CTNNA2: variants seen among roughly 807,000 people sequenced by gnomAD.
CTNNA2 encodes the protein catenin alpha-2.
Under a neutral mutation model 101.0 loss-of-function variants are expected in CTNNA2, and 42 were observed. The observed-to-expected ratio is 0.42, with a 90% CI of 0.32 to 0.54. CTNNA2 has a LOEUF of 0.54. Among genes scored for constraint, CTNNA2 ranks in the 20% least tolerant of loss-of-function variants. The pLI is 0.14. For synonymous variants in CTNNA2, 450 were observed against 456.4 expected (o/e 0.99, Z 0.18); for missense variants, 871 against 1,223.1 (o/e 0.71, Z 4.29).
chr2:79,454,256 C>A lies in CTNNA2; in HGVS notation c.-134-50798C>A, dbSNP rs563528606. ...TATATTTTACCCTGTGAGTAATTTACCATATTATATTGTTATAAAACAAAC... is the reference window on the plus strand; with the variant it reads ...TATATTTTACCCTGTGAGTAATTTAACATATTATATTGTTATAAAACAAAC... On this transcript the variant is annotated intron_variant, in intron 4 of 21. Coordinates refer to the CTNNA2 transcript ENST00000466387. Among the ~76,000 whole-genome samples the A allele has an allele frequency of 1.2e-3, 188 of 152,040 alleles. 1 individual carries two copies. Among genetic ancestry groups the A allele is most frequent in the African/African-American group, 4.4e-3 (182 of 41,472 alleles).
chr2:80,416,699 T>C (rs1680076230), intron 8 of CTNNA2, among the ~76,000 whole-genome samples: 3 of 152,064 alleles, frequency 2.0e-5, no homozygotes, highest in Admixed American at 2.0e-4. Context: ...ACATTTATAC[T>C]ATATTCTATC....
At chr2:80,460,801 G>T (rs1684361462) in intron 9 of CTNNA2, among the ~76,000 whole-genome samples, 1 of 152,002 alleles carries the variant, frequency 6.6e-6, no homozygotes, top group African/African-American at 2.4e-5. Flanking sequence ...CTAACTCAAT[G>T]GTTCTCAAAC....
intron 17 of CTNNA2, 51 bp from the exon 18 acceptor site, chr2:80,619,034 T>TC (rs1699084930): frequency 1.6e-6 from 2 of 1,255,140 alleles, no homozygotes; most frequent in Non-Finnish European, 2.1e-6. Flanking sequence ...TTTTTTTTTT[T>TC]TCTTTTGCTC....
At chr2:79,786,963 T>G (rs1674892493) in intron 3 of CTNNA2, among the ~76,000 whole-genome samples, 1 of 152,230 alleles carries the variant, frequency 6.6e-6, no homozygotes, top group Middle Eastern at 3.4e-3. Flanking sequence ...ATCCAATCCC[T>G]GCCTTGGCAT....
rs575725674 is a variant in CTNNA2, at chr2:80,495,447, A to G, written c.1291-49535A>G. On this transcript the variant is annotated intron_variant, in intron 9 of 18. Coordinates refer to ENST00000402739, the MANE Select transcript of CTNNA2 (RefSeq NM_001282597.3). ...TGTAGAAGATAAGATTATGTGGGCT[A>G]TTTTAGGTTGAATCTTTACCTCCCC... Among the ~76,000 whole-genome samples, 4 of 152,308 alleles carry G rather than the reference A, an allele frequency of 2.6e-5. No individual in the cohort carries two copies. The East Asian group carries it at 7.7e-4, about 29-fold the overall frequency.
intron 7 of CTNNA2, among the ~76,000 whole-genome samples, chr2:79,989,452 C>A (rs1008782682): frequency 6.6e-6 from 1 of 151,756 alleles, no homozygotes; most frequent in Admixed American, 6.6e-5. Context: ...GTGAAAATCC[C>A]GTCTATACAA....
At chr2:80,217,054 TCTC>T (rs1435488178) in intron 7 of CTNNA2, among the ~76,000 whole-genome samples, 1 of 151,888 alleles carries the variant, frequency 6.6e-6, no homozygotes, top group East Asian at 1.9e-4. Context: ...CTGGTCTTGA[TCTC>T]CTGACCTCAA....
intron 6 of CTNNA2, among the ~76,000 whole-genome samples, chr2:79,906,444 C>T (rs141583503): frequency 1.3e-5 from 2 of 152,310 alleles, no homozygotes; most frequent in Non-Finnish European, 2.9e-5. Flanking sequence ...TGCTGCTTTT[C>T]ACATCCATCA....
At chr2:80,515,660 TA>T (rs755214873) in intron 9 of CTNNA2, among the ~76,000 whole-genome samples, 29 of 152,252 alleles carry the variant, frequency 1.9e-4, no homozygotes, top group Non-Finnish European at 4.3e-4. Context: ...ACATATTCTT[TA>T]AATTTGAAAT....
At position 80,349,464 on chromosome 2, in the gene CTNNA2, G is replaced by A. The variant is rs188624107; in HGVS notation, c.1057-43747G>A. Among the ~76,000 whole-genome samples the A allele has an allele frequency of 3.4e-3, 517 of 152,222 alleles. 4 individuals are homozygous for A. Among genetic ancestry groups the A allele is most frequent in the Non-Finnish European group, 2.8e-3 (193 of 68,008 alleles). ...GAAAGCCAAAAAGGAGATCCTGGTAGGGGAGTTCTGGCCCCAGGTTCTGAT... is the reference window on the plus strand; with the variant it reads ...GAAAGCCAAAAAGGAGATCCTGGTAAGGGAGTTCTGGCCCCAGGTTCTGAT... On this transcript the variant is annotated intron_variant, in intron 7 of 18. Transcript: ENST00000402739.
intron 3 of CTNNA2, among the ~76,000 whole-genome samples, chr2:79,854,623 C>T (rs1000813358): frequency 6.6e-6 from 1 of 152,134 alleles, no homozygotes; most frequent in Non-Finnish European, 1.5e-5. Flanking sequence ...AGAAGCACTA[C>T]ATACATGTTA....
intron 2 of CTNNA2, among the ~76,000 whole-genome samples, chr2:79,272,507 G>A (rs1675107595): frequency 6.6e-6 from 1 of 152,046 alleles, no homozygotes; most frequent in South Asian, 2.1e-4. Flanking sequence ...GAGATATTCT[G>A]TTAATATTAC....
At chr2:79,233,825 T>C (rs1674525054) in intron 2 of CTNNA2, among the ~76,000 whole-genome samples, 1 of 152,056 alleles carries the variant, frequency 6.6e-6, no homozygotes, top group Non-Finnish European at 1.5e-5. Flanking sequence ...TTCTTTCTGA[T>C]TATTGTTGGT....
intron 11 of CTNNA2, among the ~76,000 whole-genome samples, chr2:80,547,281 T>G (rs1020994805): frequency 6.6e-6 from 1 of 152,188 alleles, no homozygotes; most frequent in African/African-American, 2.4e-5. Flanking sequence ...ATGCGGCCTG[T>G]GACTAGAATT....
At chr2:79,275,372 A>T (rs184534710) in intron 2 of CTNNA2, among the ~76,000 whole-genome samples, 1 of 152,058 alleles carries the variant, frequency 6.6e-6, no homozygotes. Flanking sequence ...TCATAAAAAA[A>T]TACAGATTAA....
chr2:79,673,047 T>A (rs1300915373), intron 2 of CTNNA2, among the ~76,000 whole-genome samples: 1 of 152,194 alleles, frequency 6.6e-6, no homozygotes, highest in East Asian at 1.9e-4. Context: ...TTAAAAAAAA[T>A]AGTTTATATT....
chr2:80,070,039 A>G (rs1164794257), intron 7 of CTNNA2, among the ~76,000 whole-genome samples: 1 of 152,176 alleles, frequency 6.6e-6, no homozygotes, highest in Non-Finnish European at 1.5e-5. Context: ...CTGACTGTGG[A>G]TGAGTGCTAC....
At chr2:79,395,432 C>T (rs1035817640) in intron 4 of CTNNA2, among the ~76,000 whole-genome samples, 2 of 152,002 alleles carry the variant, frequency 1.3e-5, no homozygotes, top group Non-Finnish European at 2.9e-5. Flanking sequence ...TGATGTTCCC[C>T]TTCCTGTGTC....
At chr2:80,424,259 A>G (rs1453077115) in intron 9 of CTNNA2, among the ~76,000 whole-genome samples, 1 of 152,156 alleles carries the variant, frequency 6.6e-6, no homozygotes, top group African/African-American at 2.4e-5. Flanking sequence ...CGGCCCAGCA[A>G]ACATTCAAAA....
Sources: gnomAD v4.1 joint callset for allele counts (sites outside exome capture counted in the v4.1 genomes callset) on GRCh38, gnomAD v4.1.1 for gene constraint, MANE v1.5 for transcripts, NCBI Gene and HGNC (gene_info 2026-07-23, HGNC 2026-07-21) for gene names.